FBN2: variants seen among roughly 807,000 people sequenced by gnomAD.
FBN2 encodes fibrillin 2.
FBN2 carries 105 observed loss-of-function variants against 355.6 expected under a neutral mutation model. That is an observed-to-expected ratio of 0.30 (90% CI 0.25 to 0.35). FBN2 has a LOEUF of 0.35. Ranked by LOEUF, FBN2 falls within the 10% of genes least tolerant of loss-of-function variation. The pLI is 1.00. For synonymous variants in FBN2, 1,350 were observed against 1,301.2 expected (o/e 1.04, Z -0.81); for missense variants, 3,280 against 3,758.7 (o/e 0.87, Z 3.33).
chr5:128,350,888 G>A lies in FBN2; in HGVS notation c.2792C>T (p.Pro931Leu). 6.2e-7 allele frequency: 1 copy of A among 1,614,110 alleles called. No individual in the cohort carries two copies. Reference protein sequence around the residue: ...CATLGAAWGSPCERCELDTAC... With the variant: ...CATLGAAWGSLCERCELDTAC... Reference sequence around the variant, plus strand: ...CCTACCTAGTTCACACCGCTCACAGGGGCTCCCCCAGGCGGCTCCGAGGGT... The same window carrying A: ...CCTACCTAGTTCACACCGCTCACAGAGGCTCCCCCAGGCGGCTCCGAGGGT... Residue 931 changes from proline to leucine, a missense_variant, in exon 21 of 65, where the codon CCC becomes CTC. By Grantham distance (98) the Pro-to-Leu change is moderately conservative (BLOSUM62 -3). This residue lies in a region of FBN2 where 2,284 missense variants were observed against 2,749.5 expected (regional missense o/e 0.83). Transcript: ENST00000262464.
intron 5 of FBN2, among the ~76,000 whole-genome samples, chr5:128,465,244 A>C (rs1047269790): frequency 2.6e-5 from 4 of 152,170 alleles, no homozygotes; most frequent in Non-Finnish European, 4.4e-5. Context: ...ATTCCACATG[A>C]AATTTGTATT....
chr5:128,496,223 T>C (rs868630134), intron 5 of FBN2, among the ~76,000 whole-genome samples: 1 of 151,938 alleles, frequency 6.6e-6, no homozygotes, highest in Non-Finnish European at 1.5e-5. Context: ...CATACAAAGA[T>C]ATCAAAAGAA....
intron 55 of FBN2, 54 bp downstream of exon 55, chr5:128,286,664 A>G (rs1749154283): frequency 6.2e-7 from 1 of 1,607,818 alleles, no homozygotes; most frequent in African/African-American, 1.3e-5. Context: ...AGTGCCATTA[A>G]TGAGGCTGGG....
At chr5:128,328,851 TA>T in intron 33 of FBN2, 30 bp from the exon 34 acceptor site, 1 of 1,613,392 alleles carries the variant, frequency 6.2e-7, no homozygotes, top group Non-Finnish European at 8.5e-7. Context: ...ACATCTCTGT[TA>T]AGTTCCAAAT....
At chr5:128,329,723 C>T (rs1750642703) in intron 33 of FBN2, among the ~76,000 whole-genome samples, 1 of 152,142 alleles carries the variant, frequency 6.6e-6, no homozygotes, top group African/African-American at 2.4e-5. Flanking sequence ...CTTAAACAGG[C>T]ATTTGAAAAT....
intron 48 of FBN2, among the ~76,000 whole-genome samples, chr5:128,296,001 G>A (rs1470587952): frequency 1.3e-5 from 2 of 151,594 alleles, no homozygotes; most frequent in Non-Finnish European, 2.9e-5. Context: ...ACTATTTTGA[G>A]ATACGTCCCA....
At chr5:128,512,281 G>A (rs1465675872) in intron 5 of FBN2, among the ~76,000 whole-genome samples, 1 of 152,114 alleles carries the variant, frequency 6.6e-6, no homozygotes, top group Non-Finnish European at 1.5e-5. Flanking sequence ...GGAGGCCGAG[G>A]CGGGTGGATC....
At chr5:128,520,275 T>C (rs552982229) in intron 4 of FBN2, among the ~76,000 whole-genome samples, 1 of 152,278 alleles carries the variant, frequency 6.6e-6, no homozygotes, top group African/African-American at 2.4e-5. Flanking sequence ...TCTAGAATCC[T>C]TGGAACCTAA....
chr5:128,419,679 C>T (rs543456107), intron 7 of FBN2, among the ~76,000 whole-genome samples: 29 of 152,106 alleles, frequency 1.9e-4, no homozygotes, highest in Middle Eastern at 3.4e-3. Flanking sequence ...TAAATCTCAA[C>T]TGATACTGAT....
chr5:128,329,898 A>T (rs1400853888), intron 33 of FBN2, among the ~76,000 whole-genome samples: 1 of 152,220 alleles, frequency 6.6e-6, no homozygotes, highest in African/African-American at 2.4e-5. Context: ...ATACATGCAT[A>T]TAATGAGAGG....
intron 7 of FBN2, among the ~76,000 whole-genome samples, chr5:128,426,157 TG>T (rs899227844): frequency 6.6e-6 from 1 of 152,108 alleles, no homozygotes; most frequent in African/African-American, 2.4e-5. Flanking sequence ...AATAGCTGAA[TG>T]GGGAGACTAC....
chr5:128,447,436 A>C (rs1754099020), intron 6 of FBN2, among the ~76,000 whole-genome samples: 2 of 152,150 alleles, frequency 1.3e-5, no homozygotes, highest in Non-Finnish European at 2.9e-5. Context: ...TAAGGGATGA[A>C]ATAAGCCCCG....
Position 128,357,286 on chromosome 5 carries a change from C to T in FBN2, c.2664G>A (p.Leu888=). The T allele has an allele frequency of 6.2e-7, 1 of 1,613,896 alleles. No homozygotes were observed. Among genetic ancestry groups the T allele is most frequent in the Non-Finnish European group, 8.5e-7 (1 of 1,179,820 alleles). The change falls in exon 20 of 65, where the codon TTG becomes TTA. Residue 888 remains leucine, a synonymous_variant. Coordinates refer to ENST00000262464, the MANE Select transcript of FBN2 (RefSeq NM_001999.4). ...SPGSKLSSTG[L]ICIDSLKGTC... is the part of the protein sequence containing the mutation. The stretch of plus-strand genomic sequence containing the variant: ...GTGTATGAATCTTACCAATACAGAT[C>T]AATCCTGTGGAGCTGAGTTTGCTGC...
chr5:128,432,408 A>C (rs763010190), intron 7 of FBN2, among the ~76,000 whole-genome samples: 2 of 152,234 alleles, frequency 1.3e-5, no homozygotes, highest in Non-Finnish European at 2.9e-5. Flanking sequence ...AGGAGTTGGC[A>C]AACTACAGCC....
intron 46 of FBN2, 94 bp downstream of exon 46, chr5:128,302,879 T>C (rs1390184764): frequency 1.3e-6 from 1 of 794,206 alleles, no homozygotes; most frequent in Non-Finnish European, 2.2e-6. Flanking sequence ...ATTTTAGTAA[T>C]ATAATTTTTT....
chr5:128,328,906 A>T, intron 33 of FBN2, 85 bp from the exon 34 acceptor site: 2 of 1,399,994 alleles, frequency 1.4e-6, no homozygotes, highest in Non-Finnish European at 2.0e-6. Context: ...GATCAGTTTT[A>T]CTGGCTTGAC....
At chr5:128,456,018 A>AAAAAAAAAAAAC (rs1754381996) in intron 6 of FBN2, among the ~76,000 whole-genome samples, 1 of 148,364 alleles carries the variant, frequency 6.7e-6, no homozygotes, top group African/African-American at 2.5e-5. Context: ...AAAAAAAAAA[A>AAAAAAAAAAAAC]AAAAAGCAAC....
At chr5:128,473,204 A>C (rs1036930413) in intron 5 of FBN2, among the ~76,000 whole-genome samples, 3 of 152,156 alleles carry the variant, frequency 2.0e-5, no homozygotes, top group Admixed American at 1.3e-4. Context: ...AATAGGTGGC[A>C]CCAATTTACA....
chr5:128,314,506 C>T (rs970037112), intron 36 of FBN2, among the ~76,000 whole-genome samples: 3 of 151,964 alleles, frequency 2.0e-5, no homozygotes, highest in South Asian at 2.1e-4. Flanking sequence ...TTAGTAGAGA[C>T]GGGGTTTCAC....
Sources: gnomAD v4.1 joint callset for allele counts (sites outside exome capture counted in the v4.1 genomes callset) on GRCh38, gnomAD v4.1.1 for gene constraint, gnomAD v4.1.1 regional missense constraint, MANE v1.5 for transcripts, NCBI Gene and HGNC (gene_info 2026-07-23, HGNC 2026-07-21) for gene names.